Variants in ARMC9 observed in about 807,000 individuals in gnomAD.
The protein encoded by ARMC9 is lisH domain-containing protein ARMC9.
A neutral mutation model predicts 107.0 loss-of-function variants in ARMC9; 94 were observed. The ratio of observed to expected loss-of-function variants is 0.88; its 90% CI spans 0.74 to 1.04. ARMC9 has a LOEUF of 1.04. ARMC9 is among the 50% of genes least tolerant of loss of function. ARMC9 has a pLI of 0.00. For synonymous variants in ARMC9, 380 were observed against 396.9 expected (o/e 0.96, Z 0.51); for missense variants, 942 against 1,030.1 (o/e 0.91, Z 1.17).
intron 5 of ARMC9, among the ~76,000 whole-genome samples, chr2:231,222,407 A>T (rs990673726): frequency 2.0e-5 from 3 of 152,116 alleles, no homozygotes; most frequent in African/African-American, 7.2e-5. Context: ...ACTGTACTGA[A>T]CTATTTTTGG....
At chr2:231,289,411 G>T (rs999276189) in intron 17 of ARMC9, among the ~76,000 whole-genome samples, 2 of 152,196 alleles carry the variant, frequency 1.3e-5, no homozygotes, top group Non-Finnish European at 2.9e-5. Flanking sequence ...AGGTTGCAGT[G>T]ATCAGAGATC....
chr2:231,328,468 C>T (rs1468139070), intron 19 of ARMC9, among the ~76,000 whole-genome samples: 9 of 152,060 alleles, frequency 5.9e-5, no homozygotes, highest in Non-Finnish European at 7.4e-5. Context: ...GTTAGTTTTA[C>T]GTTTAAGTCC....
chr2:231,262,285 T>C, intron 11 of ARMC9, 21 bp from the exon 12 acceptor site: 1 of 1,612,674 alleles, frequency 6.2e-7, no homozygotes, highest in South Asian at 1.1e-5. Context: ...GTCTCACTAC[T>C]TTTGTTTTTC....
chr2:231,208,548 G>C (rs1490423965), intron 3 of ARMC9, among the ~76,000 whole-genome samples: 1 of 152,204 alleles, frequency 6.6e-6, no homozygotes. Context: ...AGGAGTTTCA[G>C]GTTATTAATT....
At chr2:231,259,543 G>T (rs1485047101) in intron 11 of ARMC9, among the ~76,000 whole-genome samples, 2 of 152,194 alleles carry the variant, frequency 1.3e-5, no homozygotes, top group Non-Finnish European at 2.9e-5. Flanking sequence ...CTACTTTTCT[G>T]CCTGGTCTTC....
rs773618086 is a variant in ARMC9 at position 231,269,398 on chromosome 2, C to CTTTTTTTTTTT, written c.1120-1573_1120-1563dup. Among the ~76,000 whole-genome samples, 71 of 112,354 alleles carry CTTTTTTTTTTT rather than the reference C, an allele frequency of 6.3e-4. 1 individual carries two copies. Among genetic ancestry groups the CTTTTTTTTTTT allele is most frequent in the Non-Finnish European group, 7.4e-4 (42 of 56,988 alleles). 73.7% of individuals were successfully genotyped at this position (112,354 alleles called of 152,430 possible). Reference sequence around the variant, plus strand: ...TCTTTAGGAGATTTCTTTTCTTCTTCTTTTTTTTTTTTTTTTTTTTTGAGA... The same window carrying CTTTTTTTTTTT: ...TCTTTAGGAGATTTCTTTTCTTCTTCTTTTTTTTTTTTTTTTTTTTTTTTTTTTTTTTGAGA... On this transcript the variant is annotated intron_variant, in intron 12 of 24. Coordinates refer to ENST00000611582, the MANE Select transcript of ARMC9 (RefSeq NM_001352754.2).
intron 19 of ARMC9, among the ~76,000 whole-genome samples, chr2:231,312,539 C>T (rs938447896): frequency 6.6e-6 from 1 of 151,632 alleles, no homozygotes; most frequent in Non-Finnish European, 1.5e-5. Context: ...GATTCTTCTC[C>T]GAACAAACCG....
intron 1 of ARMC9, among the ~76,000 whole-genome samples, chr2:231,200,198 T>C (rs573719570): frequency 1.3e-5 from 2 of 152,244 alleles, no homozygotes; most frequent in African/African-American, 4.8e-5. Context: ...GCAAAGGCCT[T>C]GAGGTTGGCC....
At chr2:231,326,263 CCT>C (rs1204629123) in intron 19 of ARMC9, among the ~76,000 whole-genome samples, 3 of 152,190 alleles carry the variant, frequency 2.0e-5, no homozygotes, top group East Asian at 1.9e-4. Flanking sequence ...CTTCTCTGGG[CCT>C]CTGTTTCCAC....
At chr2:231,272,260 G>A (rs1328217849) in intron 13 of ARMC9, among the ~76,000 whole-genome samples, 17 of 138,012 alleles carry the variant, frequency 1.2e-4, no homozygotes, top group Admixed American at 3.9e-4. Context: ...GCATGATCTC[G>A]GCTCACTGTA....
At chr2:231,305,865 T>C (rs543393160) in intron 19 of ARMC9, among the ~76,000 whole-genome samples, 1 of 152,208 alleles carries the variant, frequency 6.6e-6, no homozygotes, top group Admixed American at 6.5e-5. Flanking sequence ...TTTCTCACTT[T>C]TAAAGAACTC....
At chr2:231,250,261 G>A (rs1014496359) in intron 9 of ARMC9, among the ~76,000 whole-genome samples, 7 of 152,208 alleles carry the variant, frequency 4.6e-5, no homozygotes, top group Admixed American at 6.5e-5. Flanking sequence ...TTCTGACTGT[G>A]TTGGATGGTT....
intron 20 of ARMC9, among the ~76,000 whole-genome samples, 181 bp downstream of exon 20, chr2:231,332,078 C>T: frequency 6.6e-6 from 1 of 152,184 alleles, no homozygotes. Flanking sequence ...GCCCTAGCTA[C>T]CTGTCACAAG....
chr2:231,253,564 A>C (rs1262286428), intron 9 of ARMC9, among the ~76,000 whole-genome samples: 1 of 152,178 alleles, frequency 6.6e-6, no homozygotes, highest in Admixed American at 6.5e-5. Flanking sequence ...AGAAAAAAAA[A>C]TGTTATGGAC....
At chr2:231,283,505 C>T (rs975262432) in intron 17 of ARMC9, among the ~76,000 whole-genome samples, 2 of 152,178 alleles carry the variant, frequency 1.3e-5, no homozygotes, top group South Asian at 2.1e-4. Context: ...TCTTGACTCA[C>T]TGCAACCTCT....
intron 19 of ARMC9, among the ~76,000 whole-genome samples, chr2:231,308,206 T>C (rs747393030): frequency 6.6e-6 from 1 of 152,258 alleles, no homozygotes; most frequent in Non-Finnish European, 1.5e-5. Context: ...ATTTTCCCAG[T>C]GCTTCCGTGT....
chr2:231,261,388 C>G (rs1290482639), intron 11 of ARMC9, among the ~76,000 whole-genome samples: 2 of 152,214 alleles, frequency 1.3e-5, no homozygotes, highest in African/African-American at 4.8e-5. Flanking sequence ...CTACAAAATT[C>G]TAGCCAGCTA....
At chr2:231,349,388 G>C (rs1305813299) in intron 21 of ARMC9, among the ~76,000 whole-genome samples, 1 of 152,112 alleles carries the variant, frequency 6.6e-6, no homozygotes, top group Non-Finnish European at 1.5e-5. Flanking sequence ...TGAGCTCATG[G>C]AGATAGAGAG....
intron 12 of ARMC9, among the ~76,000 whole-genome samples, chr2:231,264,646 C>T (rs1047334014): frequency 6.6e-6 from 1 of 152,020 alleles, no homozygotes; most frequent in Non-Finnish European, 1.5e-5. Flanking sequence ...TACAGGCATG[C>T]GCCATCACGC....
Sources: allele counts gnomAD v4.1 joint callset (sites outside exome capture counted in the v4.1 genomes callset), GRCh38; gene constraint gnomAD v4.1.1; transcripts MANE v1.5; gene names NCBI Gene and HGNC (gene_info 2026-07-23, HGNC 2026-07-21).